Variants in M6PR observed in about 807,000 individuals in gnomAD.
The protein encoded by M6PR is cation-dependent mannose-6-phosphate receptor.
In M6PR, 19 loss-of-function variants were observed where a neutral mutation model predicts 33.1. The observed-to-expected ratio is 0.57, with a 90% CI of 0.40 to 0.84. The LOEUF is 0.84. M6PR is among the 40% of genes least tolerant of loss of function. The probability of loss-of-function intolerance (pLI) is 0.00; values close to 1 mark genes in which losing one functional copy is unlikely to be tolerated. For missense variants in M6PR, 295 were observed against 336.0 expected, an observed-to-expected ratio of 0.88 and a Z score of 0.95; for synonymous variants, 111 against 123.4, an observed-to-expected ratio of 0.90 and a Z score of 0.67.
intron 6 of M6PR, 103 bp downstream of exon 6, chr12:8,942,313 T>C: frequency 1.3e-6 from 2 of 1,522,318 alleles, no homozygotes; most frequent in South Asian, 1.2e-5. Context: ...TAGCACTCAA[T>C]GTCCTGTGTC....
chr12:8,947,612 C>G (rs1386303662), intron 1 of M6PR, among the ~76,000 whole-genome samples: 1 of 152,140 alleles, frequency 6.6e-6, no homozygotes, highest in African/African-American at 2.4e-5. Flanking sequence ...AGGTGCTGTT[C>G]AAAGCACTTA....
intron 5 of M6PR, 62 bp from the exon 6 acceptor site, chr12:8,942,604 T>A: frequency 6.5e-7 from 1 of 1,549,848 alleles, no homozygotes. Flanking sequence ...TCAGATAGGA[T>A]AACCTCTGCA....
Position 8,942,107 on chromosome 12 carries a change from GAA to G in M6PR, c.712-169_712-168del, listed in dbSNP as rs536868646. ...CTAAATTCAATTTGGGGCAACAGGA[GAA>G]AAAGTTTCTTCTTATTAGGCCTCAC... On this transcript the variant is annotated intron_variant, in intron 6 of 6. Coordinates refer to ENST00000000412, the MANE Select transcript of M6PR (RefSeq NM_002355.4). The G allele has an allele frequency of 8.0e-3, 6,608 of 830,964 alleles. 47 individuals carry two copies. Among genetic ancestry groups the G allele is most frequent in the Non-Finnish European group, 0.01 (5,654 of 544,786 alleles). 51.5% of individuals were successfully genotyped at this position (830,964 alleles called of 1,614,324 possible).
chr12:8,942,399 G>T lies in M6PR; in HGVS notation c.711+17C>A. 6.2e-7 allele frequency: 1 copy of T among 1,614,134 alleles called. No individual in the cohort carries two copies. The highest frequency in any genetic ancestry group is 8.5e-7 in the Non-Finnish European group (1 of 1,180,014). ...TGTTTGCAGGCTACAAATTCAACCA[G>T]CTGCCCTGTTACTTACTGCTACCAG... On this transcript the variant is annotated intron_variant, in intron 6 of 6. Coordinates refer to ENST00000000412, the MANE Select transcript of M6PR (RefSeq NM_002355.4).
At chr12:8,942,048 A>G (rs1030303816) in intron 6 of M6PR, 108 bp from the exon 7 acceptor site, 1 of 1,221,964 alleles carries the variant, frequency 8.2e-7, no homozygotes, top group Non-Finnish European at 1.2e-6. Context: ...TTCTATAGGG[A>G]TAATGAGAAA....
chr12:8,946,576 T>A, intron 1 of M6PR, 171 bp from the exon 2 acceptor site: 1 of 524,694 alleles, frequency 1.9e-6, no homozygotes, highest in South Asian at 3.6e-5. Context: ...AACAAGAGCA[T>A]CTGCAGCAGA....
At chr12:8,944,026 C>T in intron 3 of M6PR, 116 bp from the exon 4 acceptor site, 1 of 716,358 alleles carries the variant, frequency 1.4e-6, no homozygotes, top group South Asian at 1.5e-5. Context: ...ACTAAACAAC[C>T]CTCATCAGTA....
At position 8,945,574 on chromosome 12, in the gene M6PR, T is replaced by G. The variant is rs773637333; in HGVS notation, c.187A>C (p.Thr63Pro). Residue 63 changes from threonine (T) to proline (P), a missense_variant, in exon 3 of 7, where the codon ACT becomes CCT. Coordinates refer to ENST00000000412, the MANE Select transcript of M6PR (RefSeq NM_002355.4). Reference protein sequence around the residue: ...KPLFNKSFESTVGQGSDTYIY... With the variant: ...KPLFNKSFESPVGQGSDTYIY... ...TATGTGTCTGAACCCTGGCCCACAG[T>G]GCTCTCAAAGCTGTAAAGAGAAGTG... The G allele has an allele frequency of 2.5e-6, 4 of 1,614,042 alleles. No individual in the cohort carries two copies. Among genetic ancestry groups the G allele is most frequent in the Non-Finnish European group, 3.4e-6 (4 of 1,179,992 alleles).
chr12:8,947,571 A>C (rs1946114551), intron 1 of M6PR, among the ~76,000 whole-genome samples: 1 of 152,238 alleles, frequency 6.6e-6, no homozygotes, highest in South Asian at 2.1e-4. Flanking sequence ...ACCACACAAC[A>C]GCAGGAAACA....
chr12:8,945,636 C>A, intron 2 of M6PR, 52 bp from the exon 3 acceptor site: 1 of 1,444,280 alleles, frequency 6.9e-7, no homozygotes, highest in Non-Finnish European at 9.6e-7. Context: ...CTATCAGCCT[C>A]AGGAATAACA....
chr12:8,943,650 T>C, intron 4 of M6PR, 115 bp from the exon 5 acceptor site: 2 of 1,436,456 alleles, frequency 1.4e-6, no homozygotes, highest in Non-Finnish European at 2.0e-6. Context: ...CTATTTTCCA[T>C]GGAAGATGCG....
chr12:8,942,443 G>T lies in M6PR; in HGVS notation c.684C>A (p.Phe228Leu). 6.2e-7 allele frequency: 1 copy of T among 1,614,194 alleles called. No individual in the cohort carries two copies. Among genetic ancestry groups the T allele is most frequent in the Non-Finnish European group, 8.5e-7 (1 of 1,180,024 alleles). Residue 228 changes from phenylalanine (F) to leucine (L), a missense_variant, in exon 6 of 7, where the codon TTC becomes TTA. Phe to Leu is a conservative substitution (Grantham distance 22, BLOSUM62 0). Transcript: ENST00000000412. ...KGMEQFPHLA[F>L]WQDLGNLVAD... is the part of the protein sequence containing the mutation. The stretch of plus-strand genomic sequence containing the variant: ...CTACCAGGTTGCCAAGATCCTGCCA[G>T]AAGGCTAAGTGGGGAAACTGCTCCA...
Position 8,943,912 on chromosome 12 carries a change from TGAG to T in M6PR, c.344-5_344-3del, listed in dbSNP as rs1398690436. ...TATAGATCAGCATGATCCAATTACCTGAGGAGGGACAAGGAAAATGGAGCTATG... is the reference window on the plus strand; with the variant it reads ...TATAGATCAGCATGATCCAATTACCTGAGGGACAAGGAAAATGGAGCTATG... On this transcript the variant is annotated splice_region_variant and splice_polypyrimidine_tract_variant and intron_variant, in intron 3 of 6. Coordinates refer to ENST00000000412, the MANE Select transcript of M6PR (RefSeq NM_002355.4). 6.2e-7 allele frequency: 1 copy of T among 1,600,854 alleles called. No homozygotes were observed. The highest frequency in any genetic ancestry group is 8.6e-7 in the Non-Finnish European group (1 of 1,168,370).
At chr12:8,943,187 G>A (rs996310041) in intron 5 of M6PR, 8 of 513,206 alleles carry the variant, frequency 1.6e-5, no homozygotes, top group African/African-American at 1.4e-4. Flanking sequence ...CCTGACCTTA[G>A]GTGATCCATC....
intron 3 of M6PR, among the ~76,000 whole-genome samples, chr12:8,944,984 C>A (rs1260895243): frequency 6.6e-6 from 1 of 151,798 alleles, no homozygotes; most frequent in Non-Finnish European, 1.5e-5. Context: ...ATTGTGAAAC[C>A]CTGTCTCTGC....
chr12:8,942,010 T>G (rs755352082), intron 6 of M6PR, 70 bp from the exon 7 acceptor site: 1 of 1,561,658 alleles, frequency 6.4e-7, no homozygotes, highest in African/African-American at 1.4e-5. Context: ...AGTGTACTTA[T>G]GGTCTAGGAA....
Position 8,941,956 on chromosome 12 carries a change from A to G in M6PR, c.712-16T>C. 6.2e-7 allele frequency: 1 copy of G among 1,613,860 alleles called. No homozygotes were observed. The highest frequency in any genetic ancestry group is 8.5e-7 in the Non-Finnish European group (1 of 1,179,778). ...CACAGCCATCCTGTAGGGGGAAAAA[A>G]AAGAAGGAAATAATTCGCAGCATCT... On this transcript the variant is annotated splice_polypyrimidine_tract_variant and intron_variant, in intron 6 of 6. Transcript: ENST00000000412.
At chr12:8,946,011 AAAT>A (rs1946088518) in intron 2 of M6PR, among the ~76,000 whole-genome samples, 1 of 152,226 alleles carries the variant, frequency 6.6e-6, no homozygotes, top group Non-Finnish European at 1.5e-5. Context: ...TGTAGGTGTC[AAAT>A]AATCCTTAAA....
chr12:8,944,237 G>A (rs1422212253), intron 3 of M6PR, among the ~76,000 whole-genome samples: 2 of 152,178 alleles, frequency 1.3e-5, no homozygotes, highest in Non-Finnish European at 2.9e-5. Context: ...AGCAAAAAAA[G>A]AGGTTCCATA....
Sources: allele counts gnomAD v4.1 joint callset (sites outside exome capture counted in the v4.1 genomes callset), GRCh38; gene constraint gnomAD v4.1.1; transcripts MANE v1.5; gene names NCBI Gene and HGNC (gene_info 2026-07-23, HGNC 2026-07-21).